Variants in GPR55 observed in about 807,000 individuals in gnomAD.
The protein encoded by GPR55 is G protein-coupled receptor 55, also known as G-protein coupled receptor 55.
In GPR55, 6 loss-of-function variants were observed where a neutral mutation model predicts 7.9. The observed-to-expected ratio is 0.76, with a 90% CI of 0.41 to 1.49. The LOEUF (loss-of-function observed/expected upper bound fraction) is 1.49. GPR55 is among the 40% of genes most tolerant of loss of function. The probability of loss-of-function intolerance (pLI) is 0.01; values close to 1 mark genes in which losing one functional copy is unlikely to be tolerated. For synonymous variants in GPR55, 183 were observed against 166.8 expected (o/e 1.10, Z -0.75); for missense variants, 376 against 406.0 (o/e 0.93, Z 0.63).
At position 230,909,479 on chromosome 2, in the gene GPR55, A is replaced by G. The variant is rs1020751774; in HGVS notation, c.*524T>C. On this transcript the variant is annotated 3_prime_UTR_variant, in exon 2 of 2. Transcript: ENST00000650999. ...TCATCTCAGTGAGGCTTTTGGCAAC[A>G]CAGTTCCAGAAGGGACTGGAAAATG... 1 of 154,022 alleles carries G rather than the reference A, an allele frequency of 6.5e-6. No individual in the cohort carries two copies. Among genetic ancestry groups the G allele is most frequent in the African/African-American group, 2.4e-5 (1 of 41,432 alleles). 9.5% of individuals were successfully genotyped at this position (154,022 alleles called of 1,614,324 possible).
upstream of GPR55, among the ~76,000 whole-genome samples, chr2:230,929,100 AC>A (rs1690989932): frequency 6.6e-6 from 1 of 151,878 alleles, no homozygotes; most frequent in South Asian, 2.1e-4. Flanking sequence ...GCGATCCCCC[AC>A]CTCGGCCTCC....
intron 1 of GPR55, among the ~76,000 whole-genome samples, chr2:230,947,461 T>A (rs190724664): frequency 6.6e-6 from 1 of 151,778 alleles, no homozygotes; most frequent in East Asian, 1.9e-4. Flanking sequence ...CATCCCATAC[T>A]CTCCACTCCA....
At chr2:230,934,239 G>T (rs1691099147) in intron 1 of GPR55, among the ~76,000 whole-genome samples, 1 of 152,138 alleles carries the variant, frequency 6.6e-6, no homozygotes, top group Admixed American at 6.5e-5. Context: ...CCCAGCCCTG[G>T]CCCTGGAATC....
intron 1 of GPR55, among the ~76,000 whole-genome samples, chr2:230,952,999 G>A (rs996907720): frequency 6.6e-6 from 1 of 152,244 alleles, no homozygotes; most frequent in Non-Finnish European, 1.5e-5. Context: ...CTCTGTTTCA[G>A]CTGGGCCTTG....
Position 230,908,611 on chromosome 2 carries a change from C to G in GPR55, c.*1392G>C, listed in dbSNP as rs1030362969. 1 of 152,992 alleles carries G rather than the reference C, an allele frequency of 6.5e-6. No individual in the cohort carries two copies. Among genetic ancestry groups the G allele is most frequent in the South Asian group, 2.1e-4 (1 of 4,834 alleles). 9.5% of individuals were successfully genotyped at this position (152,992 alleles called of 1,614,324 possible). A position where few individuals can be genotyped will look rare whatever the true frequency, so the allele number is the denominator to read the frequency against. ...CACCCCTCCCAAGCCCTTCAGCCCCCACTGAGCCCAGATCCTACAAGTAGA... is the reference window on the plus strand; with the variant it reads ...CACCCCTCCCAAGCCCTTCAGCCCCGACTGAGCCCAGATCCTACAAGTAGA... On this transcript the variant is annotated 3_prime_UTR_variant, in exon 2 of 2. Transcript: ENST00000650999.
intron 1 of GPR55, among the ~76,000 whole-genome samples, chr2:230,959,097 T>C (rs1362559463): frequency 3.3e-5 from 5 of 152,204 alleles, no homozygotes; most frequent in African/African-American, 1.2e-4. Flanking sequence ...CCTCACACTT[T>C]TTCTCCTCCA....
chr2:230,921,912 G>C (rs541995709), intron 1 of GPR55, among the ~76,000 whole-genome samples: 3 of 152,250 alleles, frequency 2.0e-5, no homozygotes, highest in Non-Finnish European at 4.4e-5. Flanking sequence ...TCCAGTGATC[G>C]TGACGTGTTC....
intron 1 of GPR55, among the ~76,000 whole-genome samples, chr2:230,938,074 G>C (rs1040270546): frequency 6.8e-6 from 1 of 146,254 alleles, no homozygotes; most frequent in African/African-American, 2.6e-5. Context: ...TTAAGTACAG[G>C]AGATTGAGGC....
rs1691282595 is a variant in GPR55, at chr2:230,944,571, C to T, written c.-135+16204G>A. 6.6e-6 allele frequency among the ~76,000 whole-genome samples: 1 copy of T among 152,078 alleles called. No individual in the cohort carries two copies. Among genetic ancestry groups the T allele is most frequent in the Non-Finnish European group, 1.5e-5 (1 of 68,016 alleles). ...AACGAGAATGCCGTGTCTCTGGGAG[C>T]CCCCGGAGAATGACTCAACAGTGAC... On this transcript the variant is annotated intron_variant, in intron 1 of 1. Coordinates refer to the GPR55 transcript ENST00000392039. This position sits in a 1 kb window ranked among gnomAD's most constrained non-coding sequence, Gnocchi z 4.2.
intron 1 of GPR55, among the ~76,000 whole-genome samples, chr2:230,955,515 C>T (rs1691467535): frequency 6.6e-6 from 1 of 152,218 alleles, no homozygotes; most frequent in African/African-American, 2.4e-5. Context: ...TAAGACAGTT[C>T]CAGTGACTAA....
chr2:230,953,753 G>A (rs1361504859), intron 1 of GPR55, among the ~76,000 whole-genome samples: 1 of 152,154 alleles, frequency 6.6e-6, no homozygotes, highest in South Asian at 2.1e-4. Context: ...TTATAAGGAG[G>A]GCATTAAAGA....
Position 230,910,565 on chromosome 2 carries a change from C to A in GPR55, c.398G>T (p.Arg133Leu). ...GATCCCAAAGATCTTCCTGGGGGACCGGAGGTGGCTCACCAGTAGCGGGTA... is the reference window on the plus strand; with the variant it reads ...GATCCCAAAGATCTTCCTGGGGGACAGGAGGTGGCTCACCAGTAGCGGGTA... ...IRYPLLVSHL[R>L]SPRKIFGICC... The change falls in exon 2 of 2, where the codon CGG becomes CTG. Residue 133 changes from arginine to leucine, a missense_variant. Physicochemically the swap from Arg to Leu is moderately radical, Grantham distance 102 (BLOSUM62 -2). Coordinates refer to ENST00000650999, the MANE Select transcript of GPR55 (RefSeq NM_005683.4). This position sits in a 1 kb window ranked among gnomAD's most constrained non-coding sequence, Gnocchi z 5.4. The A allele has an allele frequency of 6.2e-7, 1 of 1,613,906 alleles. No individual in the cohort carries two copies. The highest frequency in any genetic ancestry group is 8.5e-7 in the Non-Finnish European group (1 of 1,179,864).
At chr2:230,942,051 G>A (rs1339465843) in intron 1 of GPR55, among the ~76,000 whole-genome samples, 8 of 152,102 alleles carry the variant, frequency 5.3e-5, no homozygotes, top group African/African-American at 1.7e-4. Context: ...CCTGTGATGG[G>A]GGCTATACTG....
At chr2:230,945,665 C>T (rs2125067754) in intron 1 of GPR55, among the ~76,000 whole-genome samples, 1 of 152,316 alleles carries the variant, frequency 6.6e-6, no homozygotes, top group Non-Finnish European at 1.5e-5. Context: ...CTCCACCTCC[C>T]GGGTTCACGC....
At chr2:230,958,431 T>C (rs1401760324) in intron 1 of GPR55, among the ~76,000 whole-genome samples, 2 of 152,160 alleles carry the variant, frequency 1.3e-5, no homozygotes, top group Non-Finnish European at 2.9e-5. Context: ...TAAATGTTCA[T>C]TTCAGTTATT....
At chr2:230,930,269 G>A (rs922536942) in intron 1 of GPR55, among the ~76,000 whole-genome samples, 1 of 152,136 alleles carries the variant, frequency 6.6e-6, no homozygotes, top group Non-Finnish European at 1.5e-5. Context: ...TATGTTTCCT[G>A]TTGCATAAAG....
In GPR55 at chr2:230,923,405, T is replaced by C. The variant is rs1392633912; in HGVS notation, c.-135+1763A>G. Among the ~76,000 whole-genome samples the C allele has an allele frequency of 2.0e-5, 3 of 152,192 alleles. No homozygotes were observed. Among genetic ancestry groups the C allele is most frequent in the Non-Finnish European group, 4.4e-5 (3 of 68,028 alleles). ...CCGCAGGGATGGATTTGAGGAGCCC[T>C]GGAATACTCCCCCAAAAATGCCGCA... On this transcript the variant is annotated intron_variant, in intron 1 of 1. Transcript: ENST00000650999. This position sits in a 1 kb window ranked among gnomAD's most constrained non-coding sequence, Gnocchi z 4.1.
chr2:230,947,574 G>C (rs1206195023), intron 1 of GPR55, among the ~76,000 whole-genome samples: 3 of 148,428 alleles, frequency 2.0e-5, no homozygotes, highest in Non-Finnish European at 4.4e-5. Flanking sequence ...CCCAATCATA[G>C]CTTACTGCAG....
At position 230,910,461 on chromosome 2, in the gene GPR55, A is replaced by C. The variant is rs562213882; in HGVS notation, c.502T>G (p.Cys168Gly). The C allele has an allele frequency of 1.2e-6, 2 of 1,614,090 alleles. No individual in the cohort carries two copies. The highest frequency in any genetic ancestry group is 2.2e-5 in the South Asian group (2 of 91,070). Residue 168 changes from cysteine to glycine, a missense_variant, in exon 2 of 2, where the codon TGC becomes GGC. Coordinates refer to ENST00000650999, the MANE Select transcript of GPR55 (RefSeq NM_005683.4). The surrounding 1 kb of genome is among the most constrained non-coding windows in gnomAD (Gnocchi z 5.4). ...GTATCATCAGACATGTTGTGGAAGC[A>C]CATGTATTTTTCCACTTTCCCATGG... ...SFHGKVEKYM[C>G]FHNMSDDTWS...
Sources: allele counts gnomAD v4.1 joint callset (sites outside exome capture counted in the v4.1 genomes callset), GRCh38; gene constraint gnomAD v4.1.1; non-coding constraint Gnocchi (gnomAD v3.1); transcripts MANE v1.5; gene names NCBI Gene and HGNC (gene_info 2026-07-23, HGNC 2026-07-21).